The following RFX8 variants were observed in gnomAD, a reference collection of about 807,000 sequenced individuals.
RFX8 encodes DNA-binding protein RFX8.
In RFX8, 46 loss-of-function variants were observed where a neutral mutation model predicts 54.6. That is an observed-to-expected ratio of 0.84 (90% CI 0.67 to 1.08). The LOEUF is 1.08. Among genes scored for constraint, RFX8 ranks in the 50% least tolerant of loss-of-function variants. The pLI, the probability that RFX8 is intolerant of heterozygous loss-of-function variation, is 0.00. For missense variants in RFX8, 536 were observed against 562.3 expected (o/e 0.95, Z 0.47); for synonymous variants, 192 against 209.5 (o/e 0.92, Z 0.72).
intron 6 of RFX8, among the ~76,000 whole-genome samples, 185 bp downstream of exon 6, chr2:101,417,347 GGT>G (rs1387981015): frequency 6.6e-6 from 1 of 151,078 alleles, no homozygotes; most frequent in Non-Finnish European, 1.5e-5. Context: ...TAAGACCACA[GGT>G]GTGTGCCACC....
In RFX8 at chr2:101,474,619, A is replaced by C; in HGVS notation, c.-53+17T>G. On this transcript the variant is annotated intron_variant, in intron 1 of 11. Transcript: ENST00000428343. ...CAACCAGTCAAACAGGGACGCGAACAACAAGCACCAACTTACACCTTTTCC... is the reference window on the plus strand; with the variant it reads ...CAACCAGTCAAACAGGGACGCGAACCACAAGCACCAACTTACACCTTTTCC... 4.5e-6 allele frequency: 1 copy of C among 221,364 alleles called. No homozygotes were observed. Among genetic ancestry groups the C allele is most frequent in the Admixed American group, 5.8e-5 (1 of 17,164 alleles). 13.7% of individuals were successfully genotyped at this position (221,364 alleles called of 1,614,324 possible). A position where few individuals can be genotyped will look rare whatever the true frequency, so the allele number is the denominator to read the frequency against.
intron 4 of RFX8, 47 bp from the exon 5 acceptor site, chr2:101,419,011 G>A (rs1256568041): frequency 3.0e-6 from 3 of 997,672 alleles, no homozygotes; most frequent in East Asian, 5.3e-5. Flanking sequence ...TTTCCACCTC[G>A]CAAGACTAAC....
rs149808959 is a variant in RFX8, at chr2:101,426,253, AC to A, written c.73-3782del. Reference sequence around the variant, plus strand: ...GGTGGCTCATGCTTGTAATCCCAGAACTTTTGGAGGCTGAGGCAGGACGATT... The same window carrying A: ...GGTGGCTCATGCTTGTAATCCCAGAATTTTGGAGGCTGAGGCAGGACGATT... On this transcript the variant is annotated intron_variant, in intron 2 of 11. Transcript: ENST00000428343. Among the ~76,000 whole-genome samples, 1,178 of 152,164 alleles carry A rather than the reference AC, an allele frequency of 7.7e-3. 20 individuals are homozygous for A. Among genetic ancestry groups the A allele is most frequent in the African/African-American group, 0.026 (1,065 of 41,514 alleles).
chr2:101,443,865 C>G (rs1165841303), intron 2 of RFX8, among the ~76,000 whole-genome samples: 1 of 152,156 alleles, frequency 6.6e-6, no homozygotes, highest in Non-Finnish European at 1.5e-5. Context: ...AGGGCATGCA[C>G]TGGTGACCCA....
At position 101,407,651 on chromosome 2, in the gene RFX8, C is replaced by T. The variant is rs536529322; in HGVS notation, c.814-1594G>A. Among the ~76,000 whole-genome samples, 46 of 152,038 alleles carry T rather than the reference C, an allele frequency of 3.0e-4. No homozygotes were observed. The East Asian group carries it at 3.1e-3, about 10-fold the overall frequency. On this transcript the variant is annotated intron_variant, in intron 9 of 11. Transcript: ENST00000428343. Reference sequence around the variant, plus strand: ...AGGTTGCAGTGAGCTGAGATTGCGCCGCTGCACTCCAGCCTGGGTGACAGA... The same window carrying T: ...AGGTTGCAGTGAGCTGAGATTGCGCTGCTGCACTCCAGCCTGGGTGACAGA...
At chr2:101,467,095 T>G (rs1005293714) in intron 1 of RFX8, among the ~76,000 whole-genome samples, 195 bp from the exon 2 acceptor site, 1 of 152,232 alleles carries the variant, frequency 6.6e-6, no homozygotes, top group African/African-American at 2.4e-5. Context: ...GTGTTAAGTA[T>G]ATTGACTGTG....
intron 2 of RFX8, among the ~76,000 whole-genome samples, chr2:101,454,270 T>C (rs7597059): frequency 0.35 from 52,518 of 152,026 alleles, 9,757 homozygotes; most frequent in African/African-American, 0.44. Flanking sequence ...TGTATATGTG[T>C]CACATTTTCC....
At chr2:101,457,173 T>A (rs1205804668) in intron 2 of RFX8, among the ~76,000 whole-genome samples, 1 of 152,116 alleles carries the variant, frequency 6.6e-6, no homozygotes, top group Non-Finnish European at 1.5e-5. Flanking sequence ...GATTCATTGA[T>A]TTTTTTGAAG....
At chr2:101,436,277 C>T (rs143938914) in intron 2 of RFX8, among the ~76,000 whole-genome samples, 19 of 152,250 alleles carry the variant, frequency 1.2e-4, no homozygotes, top group African/African-American at 4.1e-4. Flanking sequence ...TGAGAGAAGT[C>T]GCCCCTTTGC....
At chr2:101,436,298 G>A (rs905112726) in intron 2 of RFX8, among the ~76,000 whole-genome samples, 4 of 152,074 alleles carry the variant, frequency 2.6e-5, no homozygotes, top group African/African-American at 9.7e-5. Context: ...TACAATCCTG[G>A]TTCATGGCCA....
chr2:101,470,680 GCCA>G (rs932271499), intron 1 of RFX8, among the ~76,000 whole-genome samples: 3 of 146,908 alleles, frequency 2.0e-5, no homozygotes, highest in African/African-American at 7.5e-5. Context: ...CAAATACTTA[GCCA>G]GTGCTTCACA....
chr2:101,401,441 G>A (rs904455579), intron 11 of RFX8, among the ~76,000 whole-genome samples: 6 of 152,132 alleles, frequency 3.9e-5, no homozygotes, highest in African/African-American at 1.4e-4. Context: ...AGAGTTTTAG[G>A]CTGTGACTCA....
chr2:101,450,302 C>T (rs1688606178), intron 2 of RFX8, among the ~76,000 whole-genome samples: 1 of 152,114 alleles, frequency 6.6e-6, no homozygotes, highest in Admixed American at 6.5e-5. Context: ...CTCACTGCAG[C>T]CTGGACCTTG....
At chr2:101,431,197 C>G (rs1489634705) in intron 2 of RFX8, among the ~76,000 whole-genome samples, 1 of 152,220 alleles carries the variant, frequency 6.6e-6, no homozygotes, top group Non-Finnish European at 1.5e-5. Flanking sequence ...TACTGAATGT[C>G]AGGCATTGTG....
intron 2 of RFX8, among the ~76,000 whole-genome samples, chr2:101,422,928 C>A (rs997812532): frequency 6.6e-6 from 1 of 152,118 alleles, no homozygotes; most frequent in South Asian, 2.1e-4. Flanking sequence ...CCATTGCCAA[C>A]AAGGAAAATG....
intron 1 of RFX8, among the ~76,000 whole-genome samples, chr2:101,469,841 T>C (rs1393930289): frequency 6.6e-6 from 1 of 152,092 alleles, no homozygotes; most frequent in African/African-American, 2.4e-5. Context: ...ATAGTAAAGG[T>C]CTGTGGCCAA....
intron 6 of RFX8, among the ~76,000 whole-genome samples, chr2:101,415,872 C>T (rs1326159119): frequency 2.0e-5 from 3 of 152,166 alleles, no homozygotes; most frequent in Admixed American, 6.5e-5. Context: ...AGCTTCACTG[C>T]GAAGGTGACA....
chr2:101,433,548 T>G (rs976093944), intron 2 of RFX8, among the ~76,000 whole-genome samples: 10 of 152,266 alleles, frequency 6.6e-5, no homozygotes, highest in Admixed American at 6.5e-4. Flanking sequence ...AATGTAGTGT[T>G]AGCTTAATAT....
chr2:101,419,962 G>A (rs966754868), intron 4 of RFX8, among the ~76,000 whole-genome samples: 14 of 152,118 alleles, frequency 9.2e-5, no homozygotes, highest in African/African-American at 2.9e-4. Flanking sequence ...CTCACCACCC[G>A]CGTCCAAGTC....
Sources: allele counts gnomAD v4.1 joint callset (sites outside exome capture counted in the v4.1 genomes callset), GRCh38; gene constraint gnomAD v4.1.1; transcripts MANE v1.5; gene names NCBI Gene and HGNC (gene_info 2026-07-23, HGNC 2026-07-21).